Variants in BTRC observed in about 807,000 individuals in gnomAD.
BTRC encodes F-box/WD repeat-containing protein 1A.
Under a neutral mutation model 85.5 loss-of-function variants are expected in BTRC, and 42 were observed. The observed-to-expected ratio is 0.49, with a 90% CI of 0.38 to 0.64. The LOEUF (loss-of-function observed/expected upper bound fraction) is 0.64, where lower values mean the gene tolerates loss of function less well. BTRC is among the 30% of genes least tolerant of loss of function. The probability of loss-of-function intolerance (pLI) is 0.00; values close to 1 mark genes in which losing one functional copy is unlikely to be tolerated. For synonymous variants in BTRC, 255 were observed against 263.3 expected, an observed-to-expected ratio of 0.97 and a Z score of 0.30; for missense variants, 594 against 743.5, an observed-to-expected ratio of 0.80 and a Z score of 2.34.
intron 1 of BTRC, among the ~76,000 whole-genome samples, chr10:101,394,644 G>A (rs566218644): frequency 1.3e-5 from 2 of 152,292 alleles, no homozygotes; most frequent in East Asian, 3.9e-4. Flanking sequence ...AAATAAAGAA[G>A]TCCCTATTTC....
At chr10:101,443,281 GAAAA>G (rs1425934587) in intron 2 of BTRC, among the ~76,000 whole-genome samples, 1 of 151,784 alleles carries the variant, frequency 6.6e-6, no homozygotes, top group African/African-American at 2.4e-5. Flanking sequence ...TCCTTTAAAA[GAAAA>G]AAAGAATCTT....
intron 6 of BTRC, among the ~76,000 whole-genome samples, chr10:101,529,685 T>A (rs1026146517): frequency 1.3e-5 from 2 of 152,326 alleles, no homozygotes; most frequent in Middle Eastern, 3.4e-3. Flanking sequence ...TCAGATTTTC[T>A]TTTCTGTATT....
intron 1 of BTRC, among the ~76,000 whole-genome samples, chr10:101,408,701 G>A (rs1486497191): frequency 2.0e-5 from 3 of 151,932 alleles, no homozygotes; most frequent in African/African-American, 4.8e-5. Context: ...GGCTTACTAG[G>A]TACCTTTGTT....
rs1564730046 is a variant in BTRC, at chr10:101,366,879, T to TATATATATTTATATATATTA, written c.48+12670_48+12671insAATATATATTTATATATATT. 1.7e-4 allele frequency among the ~76,000 whole-genome samples: 4 copies of TATATATATTTATATATATTA among 23,878 alleles called. 2 individuals are homozygous for TATATATATTTATATATATTA. The highest frequency in any genetic ancestry group is 1.8e-3 in the Admixed American group (2 of 1,114). 15.7% of individuals were successfully genotyped at this position (23,878 alleles called of 152,430 possible). ...ATATATTTATATATTAATATATATTTATATATATTTATATATATTTATATA... is the reference window on the plus strand; with the variant it reads ...ATATATTTATATATTAATATATATTTATATATATTTATATATATTAATATATATTTATATATATTTATATA... On this transcript the variant is annotated intron_variant, in intron 1 of 14. Transcript: ENST00000370187.
At chr10:101,401,803 A>G (rs1202720805) in intron 1 of BTRC, among the ~76,000 whole-genome samples, 2 of 149,488 alleles carry the variant, frequency 1.3e-5, no homozygotes, top group African/African-American at 4.9e-5. Context: ...ATGCCACTGC[A>G]CTCCAGCCTG....
intron 2 of BTRC, among the ~76,000 whole-genome samples, chr10:101,450,025 A>G (rs1186008868): frequency 6.6e-6 from 1 of 151,900 alleles, no homozygotes; most frequent in African/African-American, 2.4e-5. Flanking sequence ...TGAAAGGGTA[A>G]GGTAGGAAGT....
chr10:101,406,329 A>C (rs1413668615), intron 1 of BTRC, among the ~76,000 whole-genome samples: 3 of 151,518 alleles, frequency 2.0e-5, no homozygotes, highest in African/African-American at 7.3e-5. Context: ...GGCGCCCGCC[A>C]CTACGCCCGG....
intron 13 of BTRC, among the ~76,000 whole-genome samples, chr10:101,547,710 G>A (rs1207054827): frequency 6.6e-6 from 1 of 152,102 alleles, no homozygotes; most frequent in African/African-American, 2.4e-5. Flanking sequence ...ATGTAATAAT[G>A]TGCCAATAAA....
chr10:101,386,304 A>T (rs939071756), intron 1 of BTRC, among the ~76,000 whole-genome samples: 1 of 152,234 alleles, frequency 6.6e-6, no homozygotes, highest in East Asian at 1.9e-4. Flanking sequence ...ATCTAGAAGC[A>T]TGTGGAATAA....
chr10:101,500,484 A>G (rs780811245), intron 4 of BTRC, among the ~76,000 whole-genome samples: 1 of 152,178 alleles, frequency 6.6e-6, no homozygotes, highest in Non-Finnish European at 1.5e-5. Flanking sequence ...TTGCCTTCTT[A>G]TGAAGCAAAG....
chr10:101,508,938 T>TAAAAAAAAAAAAAAAAAAAAAAAAA (rs1554890315), intron 4 of BTRC, among the ~76,000 whole-genome samples: 2 of 106,484 alleles, frequency 1.9e-5, no homozygotes, highest in South Asian at 3.5e-4. Context: ...AAAAAAAAAC[T>TAAAAAAAAAAAAAAAAAAAAAAAAA]AAAAGTAGAA....
At chr10:101,366,951 T>TATATTA (rs1942447802) in intron 1 of BTRC, among the ~76,000 whole-genome samples, 4 of 52,950 alleles carry the variant, frequency 7.6e-5, no homozygotes, top group African/African-American at 1.8e-4. Context: ...TATATATTTA[T>TATATTA]ATATATATTT....
intron 1 of BTRC, among the ~76,000 whole-genome samples, chr10:101,416,738 C>A (rs1943956431): frequency 6.6e-6 from 1 of 151,986 alleles, no homozygotes; most frequent in Admixed American, 6.6e-5. Flanking sequence ...AAAATTATAC[C>A]CAGAATATCA....
chr10:101,483,172 A>T (rs1945886866), intron 4 of BTRC, among the ~76,000 whole-genome samples: 1 of 152,236 alleles, frequency 6.6e-6, no homozygotes, highest in African/African-American at 2.4e-5. Context: ...TGATAGCTCT[A>T]TACGAAGGGT....
intron 4 of BTRC, among the ~76,000 whole-genome samples, chr10:101,508,685 C>A (rs577566310): frequency 6.6e-6 from 1 of 152,118 alleles, no homozygotes; most frequent in Admixed American, 6.5e-5. Context: ...GAGGCCGAGG[C>A]GGGCAGATCA....
chr10:101,375,796 C>G (rs1298977449), intron 1 of BTRC, among the ~76,000 whole-genome samples: 19 of 152,160 alleles, frequency 1.2e-4, no homozygotes. Context: ...CTTTTTCCCC[C>G]CTCTTCCCTT....
At chr10:101,432,905 G>A (rs1944438398) in intron 2 of BTRC, among the ~76,000 whole-genome samples, 1 of 152,180 alleles carries the variant, frequency 6.6e-6, no homozygotes, top group Non-Finnish European at 1.5e-5. Flanking sequence ...AGCCTTTGGT[G>A]TCCAGGTATT....
rs1482671318 is a variant in BTRC at position 101,553,336 on chromosome 10, C to T, written c.*213C>T. 2.0e-5 allele frequency: 3 copies of T among 152,662 alleles called. No individual in the cohort carries two copies. Among genetic ancestry groups the T allele is most frequent in the Non-Finnish European group, 4.4e-5 (3 of 68,058 alleles). 9.5% of individuals were successfully genotyped at this position (152,662 alleles called of 1,614,324 possible). A position where few individuals can be genotyped will look rare whatever the true frequency, so the allele number is the denominator to read the frequency against. On this transcript the variant is annotated 3_prime_UTR_variant, in exon 15 of 15. Coordinates refer to ENST00000370187, the MANE Select transcript of BTRC (RefSeq NM_033637.4). Reference sequence around the variant, plus strand: ...GTCTACTCAGCACAACTGACTGCTTCAGTGCTGCTATCAGAAGATGTCTTC... The same window carrying T: ...GTCTACTCAGCACAACTGACTGCTTTAGTGCTGCTATCAGAAGATGTCTTC...
intron 1 of BTRC, among the ~76,000 whole-genome samples, chr10:101,387,724 C>T (rs1351618152): frequency 6.6e-6 from 1 of 151,042 alleles, no homozygotes. Flanking sequence ...GAGTCTTGCT[C>T]TGTCGCCCAG....
Sources: gnomAD v4.1 joint callset for allele counts (sites outside exome capture counted in the v4.1 genomes callset) on GRCh38, gnomAD v4.1.1 for gene constraint, MANE v1.5 for transcripts, NCBI Gene and HGNC (gene_info 2026-07-23, HGNC 2026-07-21) for gene names.